Variants in SPOPL observed in about 807,000 individuals in gnomAD.
SPOPL encodes speckle type BTB/POZ protein like.
A neutral mutation model predicts 53.8 loss-of-function variants in SPOPL; 23 were observed. The ratio of observed to expected loss-of-function variants is 0.43; its 90% confidence interval spans 0.31 to 0.61. The LOEUF is 0.61. SPOPL is among the 20% of genes least tolerant of loss of function. The pLI, the probability that SPOPL is intolerant of heterozygous loss-of-function variation, is 0.12. For synonymous variants in SPOPL, 164 were observed against 149.7 expected, an observed-to-expected ratio of 1.10 and a Z score of -0.70; for missense variants, 442 against 466.9, an observed-to-expected ratio of 0.95 and a Z score of 0.49.
At chr2:138,515,918 A>G (rs1343361618) in intron 1 of SPOPL, among the ~76,000 whole-genome samples, 1 of 152,228 alleles carries the variant, frequency 6.6e-6, no homozygotes, top group Non-Finnish European at 1.5e-5. Context: ...TACATATTCA[A>G]AAGTATTTAC....
intron 1 of SPOPL, among the ~76,000 whole-genome samples, chr2:138,536,227 A>G (rs1483211658): frequency 1.3e-5 from 2 of 152,020 alleles, no homozygotes; most frequent in African/African-American, 4.8e-5. Flanking sequence ...AAAGCTGGAT[A>G]TTTTATGTAG....
chr2:138,503,152 C>T (rs1485213023), intron 1 of SPOPL, among the ~76,000 whole-genome samples: 1 of 152,188 alleles, frequency 6.6e-6, no homozygotes, highest in Non-Finnish European at 1.5e-5. Context: ...TTTCAAATTA[C>T]CATTTCATCA....
intron 1 of SPOPL, among the ~76,000 whole-genome samples, chr2:138,525,454 A>G (rs1318643887): frequency 6.6e-6 from 1 of 152,128 alleles, no homozygotes; most frequent in Non-Finnish European, 1.5e-5. Context: ...AACTGATTTC[A>G]GTTTTCCAGA....
At chr2:138,563,061 A>G (rs111780804) in intron 8 of SPOPL, among the ~76,000 whole-genome samples, 454 of 152,332 alleles carry the variant, frequency 3.0e-3, no homozygotes, top group Non-Finnish European at 4.3e-3. Context: ...TTCAGAATAT[A>G]TCTGACTTTT....
intron 5 of SPOPL, among the ~76,000 whole-genome samples, chr2:138,553,256 T>C (rs567923735): frequency 6.6e-6 from 1 of 152,228 alleles, no homozygotes; most frequent in East Asian, 1.9e-4. Flanking sequence ...GTTACTAGCA[T>C]TGCCTCTGCC....
At chr2:138,520,648 G>T (rs1014137259) in intron 1 of SPOPL, among the ~76,000 whole-genome samples, 2 of 152,116 alleles carry the variant, frequency 1.3e-5, no homozygotes, top group African/African-American at 4.8e-5. Flanking sequence ...ATTAGTGTAG[G>T]TTCCCCCAAA....
At position 138,564,934 on chromosome 2, in the gene SPOPL, A is replaced by G. The variant is rs1171541611; in HGVS notation, c.981-6A>G. ...TTTTTTAAGTATGTTTAAATCTTCAATGCAGGTGCAGTGTACTTCGACAAC... is the reference window on the plus strand; with the variant it reads ...TTTTTTAAGTATGTTTAAATCTTCAGTGCAGGTGCAGTGTACTTCGACAAC... On this transcript the variant is annotated splice_polypyrimidine_tract_variant and splice_region_variant and intron_variant, in intron 9 of 10. Coordinates refer to ENST00000280098, the MANE Select transcript of SPOPL (RefSeq NM_001001664.3). The G allele has an allele frequency of 5.6e-6, 9 of 1,613,984 alleles. No individual in the cohort carries two copies. The highest frequency in any genetic ancestry group is 2.2e-5 in the South Asian group (2 of 91,082).
chr2:138,550,330 T>A, intron 2 of SPOPL, 36 bp downstream of exon 2: 1 of 1,610,420 alleles, frequency 6.2e-7, no homozygotes, highest in African/African-American at 1.3e-5. Flanking sequence ...TTTATGTCAC[T>A]TATAAATTTT....
At chr2:138,540,811 G>C (rs888246201) in intron 1 of SPOPL, among the ~76,000 whole-genome samples, 3 of 152,140 alleles carry the variant, frequency 2.0e-5, no homozygotes, top group African/African-American at 4.8e-5. Flanking sequence ...GGCCATCCCT[G>C]TCTTGTGCCA....
Position 138,555,547 on chromosome 2 carries a change from T to A in SPOPL, c.480+2866T>A, listed in dbSNP as rs1281725442. Among the ~76,000 whole-genome samples, 4 of 152,190 alleles carry A rather than the reference T, an allele frequency of 2.6e-5. No individual in the cohort carries two copies. The East Asian group carries it at 7.7e-4, about 29-fold the overall frequency. On this transcript the variant is annotated intron_variant, in intron 5 of 10. Coordinates refer to ENST00000280098, the MANE Select transcript of SPOPL (RefSeq NM_001001664.3). ...AAGATATTCATGTGAAATTCGACTG[T>A]TAAAAGTTTCTCACTTTGGAGCCGG...
At chr2:138,530,630 T>C (rs548298587) in intron 1 of SPOPL, among the ~76,000 whole-genome samples, 2 of 152,288 alleles carry the variant, frequency 1.3e-5, no homozygotes, top group East Asian at 3.9e-4. Context: ...TCTTTTAAAA[T>C]TTTTGCTTTC....
chr2:138,537,847 A>G (rs1684970149), intron 1 of SPOPL, among the ~76,000 whole-genome samples: 1 of 152,180 alleles, frequency 6.6e-6, no homozygotes, highest in South Asian at 2.1e-4. Context: ...TGCTTCCAGC[A>G]GTGTTTTTAT....
At chr2:138,561,951 A>G (rs996760810) in intron 8 of SPOPL, among the ~76,000 whole-genome samples, 2 of 151,958 alleles carry the variant, frequency 1.3e-5, no homozygotes, top group Admixed American at 6.6e-5. Flanking sequence ...ATACCTTTGT[A>G]ACAAACCTGC....
intron 1 of SPOPL, among the ~76,000 whole-genome samples, chr2:138,514,759 T>C (rs1379362968): frequency 6.6e-6 from 1 of 152,158 alleles, no homozygotes; most frequent in Non-Finnish European, 1.5e-5. Flanking sequence ...GTGTGCCTTG[T>C]TCAGTTTTAG....
rs894350807 is a variant in SPOPL at position 138,571,282 on chromosome 2, A to G, written c.*2202A>G. On this transcript the variant is annotated 3_prime_UTR_variant, in exon 11 of 11. Transcript: ENST00000280098. Reference sequence around the variant, plus strand: ...CATTGTGATTTAATTCACCGCTTGAATCTATATTTCTAACCACAGTGACTT... The same window carrying G: ...CATTGTGATTTAATTCACCGCTTGAGTCTATATTTCTAACCACAGTGACTT... 2 of 152,546 alleles carry G rather than the reference A, an allele frequency of 1.3e-5. No individual in the cohort carries two copies. Among genetic ancestry groups the G allele is most frequent in the Admixed American group, 6.6e-5 (1 of 15,252 alleles). The allele number at this position is 152,546 out of a possible 1,614,324, so 9.4% of individuals were successfully genotyped here. A position where few individuals can be genotyped will look rare whatever the true frequency, so the allele number is the denominator to read the frequency against.
intron 1 of SPOPL, among the ~76,000 whole-genome samples, chr2:138,518,195 A>C (rs1364145734): frequency 6.6e-6 from 1 of 152,124 alleles, no homozygotes; most frequent in Admixed American, 6.5e-5. Context: ...CTTTAATAAA[A>C]TGTTTAGCCA....
intron 1 of SPOPL, among the ~76,000 whole-genome samples, chr2:138,521,643 A>T (rs879255926): frequency 3.3e-5 from 5 of 152,284 alleles, no homozygotes; most frequent in African/African-American, 1.2e-4. Context: ...TTATAACAGC[A>T]TGTGTTAATA....
intron 1 of SPOPL, among the ~76,000 whole-genome samples, chr2:138,511,418 T>A (rs1684321213): frequency 6.6e-6 from 1 of 152,230 alleles, no homozygotes. Flanking sequence ...AACCTTTACA[T>A]CAAATTTCCT....
At chr2:138,553,235 A>T (rs866040141) in intron 5 of SPOPL, among the ~76,000 whole-genome samples, 1 of 152,058 alleles carries the variant, frequency 6.6e-6, no homozygotes, top group East Asian at 1.9e-4. Flanking sequence ...ATAGAATGGG[A>T]TATTTTGAAA....
Sources: gnomAD v4.1 joint callset for allele counts (sites outside exome capture counted in the v4.1 genomes callset) on GRCh38, gnomAD v4.1.1 for gene constraint, MANE v1.5 for transcripts, NCBI Gene and HGNC (gene_info 2026-07-23, HGNC 2026-07-21) for gene names.